ZFHX3: variants seen among roughly 807,000 people sequenced by gnomAD.
ZFHX3 encodes the protein zinc finger homeobox protein 3.
A neutral mutation model predicts 279.1 loss-of-function variants in ZFHX3; 42 were observed. That is an observed-to-expected ratio of 0.15 (90% confidence interval 0.12 to 0.19). ZFHX3 has a LOEUF of 0.19. Ranked by LOEUF, ZFHX3 falls within the 10% of genes least tolerant of loss-of-function variation. The pLI is 1.00. For synonymous variants in ZFHX3, 2,293 were observed against 1,957.8 expected (o/e 1.17, Z -4.52); for missense variants, 4,981 against 4,754.0 (o/e 1.05, Z -1.40).
intron 5 of ZFHX3, among the ~76,000 whole-genome samples, chr16:73,245,570 G>A (rs545435780): frequency 6.6e-6 from 1 of 152,310 alleles, no homozygotes; most frequent in South Asian, 2.1e-4. Context: ...TCAAATGAGA[G>A]GTAGGTTATG....
chr16:73,541,921 C>T (rs1200681636), intron 2 of ZFHX3, among the ~76,000 whole-genome samples: 1 of 150,882 alleles, frequency 6.6e-6, no homozygotes, highest in Non-Finnish European at 1.5e-5. Context: ...TCTGCCTCAG[C>T]CTCCTGAGTA....
At chr16:73,502,916 A>G (rs768954517) in intron 2 of ZFHX3, among the ~76,000 whole-genome samples, 5 of 152,236 alleles carry the variant, frequency 3.3e-5, no homozygotes, top group Non-Finnish European at 7.3e-5. Flanking sequence ...GTAGCCTAAA[A>G]GTGCCTCCCT....
chr16:73,272,142 T>C (rs1176949730), intron 4 of ZFHX3, among the ~76,000 whole-genome samples: 1 of 152,234 alleles, frequency 6.6e-6, no homozygotes, highest in Non-Finnish European at 1.5e-5. Context: ...GCTAACCGTA[T>C]TTATTTAAAG....
intron 1 of ZFHX3, among the ~76,000 whole-genome samples, chr16:73,706,105 G>C (rs1437097150): frequency 6.6e-6 from 1 of 152,088 alleles, no homozygotes; most frequent in South Asian, 2.1e-4. Context: ...AGGAGTTTGA[G>C]ACCAGCCTGG....
At chr16:73,721,834 C>T (rs1283878443) in intron 1 of ZFHX3, among the ~76,000 whole-genome samples, 2 of 152,172 alleles carry the variant, frequency 1.3e-5, no homozygotes, top group Non-Finnish European at 1.5e-5. Flanking sequence ...TGCTTGAGCC[C>T]AGGAGTTCGA....
chr16:73,262,991 C>T (rs2013867546), intron 4 of ZFHX3, among the ~76,000 whole-genome samples: 1 of 152,098 alleles, frequency 6.6e-6, no homozygotes, highest in Non-Finnish European at 1.5e-5. Flanking sequence ...GCTACAGAAA[C>T]CCACCGAGTT....
chr16:73,337,892 C>CCG (rs1555510883), intron 3 of ZFHX3, among the ~76,000 whole-genome samples: 3 of 79,224 alleles, frequency 3.8e-5, no homozygotes, highest in South Asian at 7.9e-4. Flanking sequence ...CTTCCCTTGG[C>CCG]GGGGGGGGGG....
intron 2 of ZFHX3, among the ~76,000 whole-genome samples, chr16:72,955,900 T>C (rs1197680246): frequency 6.6e-6 from 1 of 152,126 alleles, no homozygotes; most frequent in Non-Finnish European, 1.5e-5. Flanking sequence ...CGAGATTCTA[T>C]GACTCCTTCT....
At chr16:73,056,123 C>T (rs546983013) in intron 1 of ZFHX3, among the ~76,000 whole-genome samples, 1 of 152,300 alleles carries the variant, frequency 6.6e-6, no homozygotes, top group East Asian at 1.9e-4. Flanking sequence ...GCCCACACCT[C>T]ATCTTCCCAA....
At chr16:73,153,631 A>G (rs956825496) in intron 5 of ZFHX3, among the ~76,000 whole-genome samples, 2 of 152,046 alleles carry the variant, frequency 1.3e-5, no homozygotes, top group African/African-American at 2.4e-5. Context: ...GTTTAAGGGA[A>G]GAAATAAGCA....
chr16:73,684,336 TTG>T (rs10637195), intron 1 of ZFHX3, among the ~76,000 whole-genome samples: 53 of 149,486 alleles, frequency 3.5e-4, no homozygotes, highest in East Asian at 3.3e-3. Flanking sequence ...GTGTGTGTGT[TTG>T]TGTGTGTGTG....
intron 2 of ZFHX3, among the ~76,000 whole-genome samples, chr16:73,669,997 T>A (rs2052885878): frequency 6.6e-6 from 1 of 152,216 alleles, no homozygotes; most frequent in Admixed American, 6.5e-5. Flanking sequence ...TATCGAAGAT[T>A]AAACATTTAT....
rs140414544 is a variant in ZFHX3 at position 72,795,121 on chromosome 16, C to G, written c.7561G>C (p.Ala2521Pro). Residue 2521 changes from alanine to proline, a missense_variant, in exon 9 of 10, where the codon GCA becomes CCA. By Grantham distance (27) the Ala-to-Pro change is conservative. This residue lies in a region of ZFHX3 where 744 missense variants were observed against 701.3 expected (regional missense o/e 1.06). Coordinates refer to ENST00000268489, the MANE Select transcript of ZFHX3 (RefSeq NM_006885.4). ...GGGATTAGCTGAGGAGGTAGGTTTG[C>G]GAGCTGTTGAGGAGTTGATGTGTGG... ...PLHTSTPQQLANLPPQLIPYQ... is the reference protein window; with the variant it reads ...PLHTSTPQQLPNLPPQLIPYQ... 5 of 1,612,996 alleles carry G rather than the reference C, an allele frequency of 3.1e-6. No individual in the cohort carries two copies. The highest frequency in any genetic ancestry group is 3.3e-5 in the Admixed American group (2 of 59,890).
intron 7 of ZFHX3, among the ~76,000 whole-genome samples, chr16:73,110,516 C>T (rs942956496): frequency 6.6e-6 from 1 of 152,022 alleles, no homozygotes; most frequent in Non-Finnish European, 1.5e-5. Flanking sequence ...TTACAAAAAA[C>T]ACTCCTAAAA....
At chr16:73,878,273 G>A (rs753069705) in intron 1 of ZFHX3, among the ~76,000 whole-genome samples, 1 of 152,036 alleles carries the variant, frequency 6.6e-6, no homozygotes, top group Non-Finnish European at 1.5e-5. Context: ...CAAAAATTAT[G>A]CAATTGTTCA....
chr16:73,451,155 C>T (rs1035121044), intron 3 of ZFHX3, among the ~76,000 whole-genome samples: 2 of 152,180 alleles, frequency 1.3e-5, no homozygotes, highest in African/African-American at 4.8e-5. Flanking sequence ...AGTCAAGGGC[C>T]TGCAGCTTCT....
intron 8 of ZFHX3, among the ~76,000 whole-genome samples, chr16:73,071,479 C>A (rs62055090): frequency 1.5e-5 from 2 of 132,242 alleles, no homozygotes; most frequent in Admixed American, 1.4e-4. Flanking sequence ...CTGCTGCTGC[C>A]GCCGCCGCCG....
intron 1 of ZFHX3, among the ~76,000 whole-genome samples, chr16:72,986,103 G>C (rs1962830683): frequency 6.6e-6 from 1 of 151,930 alleles, no homozygotes; most frequent in Non-Finnish European, 1.5e-5. Context: ...TCACCCCTGG[G>C]CGGTTAACAT....
chr16:72,810,565 A>G (rs2036415145), intron 7 of ZFHX3, among the ~76,000 whole-genome samples: 1 of 152,244 alleles, frequency 6.6e-6, no homozygotes, highest in South Asian at 2.1e-4. Flanking sequence ...AAAAGTTTTT[A>G]TATTACAATT....
Sources: allele counts gnomAD v4.1 joint callset (sites outside exome capture counted in the v4.1 genomes callset), GRCh38; gene constraint gnomAD v4.1.1; regional missense constraint gnomAD v4.1.1; transcripts MANE v1.5; gene names NCBI Gene and HGNC (gene_info 2026-07-23, HGNC 2026-07-21).